Variants in ADGRB3 observed in about 807,000 individuals in gnomAD.
ADGRB3 encodes the protein brain-specific angiogenesis inhibitor 3.
ADGRB3 carries 37 observed loss-of-function variants against 193.4 expected under a neutral mutation model. The observed-to-expected ratio is 0.19, with a 90% CI of 0.15 to 0.25. The LOEUF (loss-of-function observed/expected upper bound fraction) is 0.25. Ranked by LOEUF, ADGRB3 falls within the 10% of genes least tolerant of loss-of-function variation. The pLI is 1.00. For synonymous variants in ADGRB3, 690 were observed against 644.2 expected (o/e 1.07, Z -1.08); for missense variants, 1,637 against 1,852.9 (o/e 0.88, Z 2.14).
At chr6:68,687,591 T>G (rs557000906) in intron 3 of ADGRB3, among the ~76,000 whole-genome samples, 1 of 152,312 alleles carries the variant, frequency 6.6e-6, no homozygotes, top group African/African-American at 2.4e-5. Context: ...TACTTGTTTC[T>G]ATTGCCTTAC....
chr6:68,716,422 T>TTAAAAAAGAAC, intron 3 of ADGRB3, among the ~76,000 whole-genome samples: 1 of 151,668 alleles, frequency 6.6e-6, no homozygotes, highest in Non-Finnish European at 1.5e-5. Flanking sequence ...ATTAAAGTTC[T>TTAAAAAAGAAC]CTTCAACTGT....
intron 20 of ADGRB3, among the ~76,000 whole-genome samples, chr6:69,259,340 A>G (rs776156445): frequency 6.4e-4 from 97 of 152,034 alleles, no homozygotes; most frequent in Non-Finnish European, 1.2e-3. Flanking sequence ...TTCCAACTAC[A>G]TTTCTTTAAT....
At position 68,972,438 on chromosome 6, in the gene ADGRB3, A is replaced by C. The variant is rs1768600957; in HGVS notation, c.1526-2325A>C. ...CTCCCGAATGGGGAGGGTTTGGAGCACCTGGCAAAATGACTCCTCCCCATC... is the reference window on the plus strand; with the variant it reads ...CTCCCGAATGGGGAGGGTTTGGAGCCCCTGGCAAAATGACTCCTCCCCATC... On this transcript the variant is annotated intron_variant, in intron 8 of 31. Coordinates refer to ENST00000370598, the MANE Select transcript of ADGRB3 (RefSeq NM_001704.3). 2.0e-5 allele frequency among the ~76,000 whole-genome samples: 3 copies of C among 152,156 alleles called. No individual in the cohort carries two copies. The South Asian group carries it at 6.2e-4, about 32-fold the overall frequency.
At chr6:68,976,157 T>G (rs545580341) in intron 10 of ADGRB3, among the ~76,000 whole-genome samples, 1 of 152,336 alleles carries the variant, frequency 6.6e-6, no homozygotes, top group South Asian at 2.1e-4. Flanking sequence ...TTACTGTTCT[T>G]ACTGTCACTC....
At chr6:69,009,295 C>T (rs996930185) in intron 11 of ADGRB3, among the ~76,000 whole-genome samples, 3 of 152,048 alleles carry the variant, frequency 2.0e-5, no homozygotes, top group African/African-American at 7.2e-5. Flanking sequence ...AAATATCAGA[C>T]TGTATAACTG....
At chr6:69,322,686 G>A (rs1768485428) in intron 20 of ADGRB3, among the ~76,000 whole-genome samples, 1 of 151,900 alleles carries the variant, frequency 6.6e-6, no homozygotes, top group African/African-American at 2.4e-5. Context: ...GAAGCAAAGT[G>A]TAGCTCCTTT....
chr6:69,162,527 G>A (rs1775024882), intron 17 of ADGRB3, among the ~76,000 whole-genome samples: 1 of 152,042 alleles, frequency 6.6e-6, no homozygotes, highest in African/African-American at 2.4e-5. Context: ...TAGGCAACTG[G>A]TGGTCCTAAA....
At chr6:68,830,401 A>G (rs957483182) in intron 3 of ADGRB3, among the ~76,000 whole-genome samples, 2 of 152,194 alleles carry the variant, frequency 1.3e-5, no homozygotes, top group African/African-American at 4.8e-5. Flanking sequence ...TTCACTGTCC[A>G]AAAGCAATAT....
At chr6:69,378,737 A>G (rs982068791) in intron 30 of ADGRB3, among the ~76,000 whole-genome samples, 5 of 152,162 alleles carry the variant, frequency 3.3e-5, no homozygotes, top group African/African-American at 9.6e-5. Flanking sequence ...ACATTTCTCT[A>G]GATCCAACTT....
chr6:69,113,702 C>T (rs1773440398), intron 17 of ADGRB3, among the ~76,000 whole-genome samples: 1 of 152,088 alleles, frequency 6.6e-6, no homozygotes, highest in Admixed American at 6.6e-5. Context: ...ATGAATGAGG[C>T]AATTAGTCAA....
chr6:69,185,488 C>A (rs1490758973), intron 17 of ADGRB3, among the ~76,000 whole-genome samples: 1 of 152,074 alleles, frequency 6.6e-6, no homozygotes, highest in South Asian at 2.1e-4. Flanking sequence ...CAGAACATGG[C>A]GTATTGGTAC....
At chr6:68,964,832 T>A (rs1768332629) in intron 8 of ADGRB3, among the ~76,000 whole-genome samples, 1 of 152,282 alleles carries the variant, frequency 6.6e-6, no homozygotes, top group Non-Finnish European at 1.5e-5. Context: ...AAGTTCATGG[T>A]TTGCTAACTT....
intron 3 of ADGRB3, among the ~76,000 whole-genome samples, chr6:68,671,229 A>G (rs1377094461): frequency 6.6e-6 from 1 of 151,920 alleles, no homozygotes; most frequent in Middle Eastern, 3.2e-3. Context: ...TCCCTTTCCA[A>G]TTTGGATGTC....
intron 20 of ADGRB3, among the ~76,000 whole-genome samples, chr6:69,285,805 C>A (rs1357732214): frequency 6.6e-6 from 1 of 152,072 alleles, no homozygotes; most frequent in African/African-American, 2.4e-5. Flanking sequence ...AGCCTTAGCT[C>A]AAACTCTTCC....
At chr6:68,851,477 A>G (rs1309320407) in intron 3 of ADGRB3, among the ~76,000 whole-genome samples, 1 of 151,924 alleles carries the variant, frequency 6.6e-6, no homozygotes, top group African/African-American at 2.4e-5. Context: ...CTGCATATAC[A>G]TTATCAAATG....
intron 15 of ADGRB3, among the ~76,000 whole-genome samples, chr6:69,059,454 C>CA (rs575635190): frequency 2.6e-5 from 4 of 151,988 alleles, no homozygotes; most frequent in East Asian, 1.9e-4. Flanking sequence ...TAAGACTCTG[C>CA]AAAAAAATGT....
At chr6:68,781,959 A>G (rs977691113) in intron 3 of ADGRB3, among the ~76,000 whole-genome samples, 2 of 151,954 alleles carry the variant, frequency 1.3e-5, no homozygotes, top group Non-Finnish European at 2.9e-5. Flanking sequence ...TGTGCCAGGT[A>G]TACTCTTTTT....
intron 3 of ADGRB3, among the ~76,000 whole-genome samples, chr6:68,717,965 G>C (rs1765514397): frequency 6.6e-6 from 1 of 151,704 alleles, no homozygotes; most frequent in Non-Finnish European, 1.5e-5. Flanking sequence ...TCTATTCACT[G>C]AGTTGAAATA....
intron 3 of ADGRB3, among the ~76,000 whole-genome samples, chr6:68,907,367 T>C (rs1254103215): frequency 6.6e-6 from 1 of 151,944 alleles, no homozygotes; most frequent in African/African-American, 2.4e-5. Flanking sequence ...TTTCATTGTT[T>C]GTTGTATAAA....
Sources: allele counts gnomAD v4.1 joint callset (sites outside exome capture counted in the v4.1 genomes callset), GRCh38; gene constraint gnomAD v4.1.1; transcripts MANE v1.5; gene names NCBI Gene and HGNC (gene_info 2026-07-23, HGNC 2026-07-21).